CTNNA3: variants seen among roughly 807,000 people sequenced by gnomAD.
The protein encoded by CTNNA3 is catenin alpha-3.
In CTNNA3, 76 loss-of-function variants were observed where a neutral mutation model predicts 95.7. The ratio of observed to expected loss-of-function variants is 0.79; its 90% CI spans 0.66 to 0.96. The LOEUF is 0.96. Ranked by LOEUF, CTNNA3 falls within the 40% of genes least tolerant of loss-of-function variation. The pLI is 0.00. For missense variants in CTNNA3, 1,191 were observed against 1,089.8 expected (o/e 1.09, Z -1.31); for synonymous variants, 431 against 374.4 (o/e 1.15, Z -1.74).
intron 10 of CTNNA3, among the ~76,000 whole-genome samples, chr10:66,543,477 T>C (rs1017989408): frequency 6.6e-6 from 1 of 152,118 alleles, no homozygotes; most frequent in Non-Finnish European, 1.5e-5. Flanking sequence ...TTTAAGTTAT[T>C]TTAAGTGAAG....
chr10:66,543,263 T>C (rs1841922113), intron 10 of CTNNA3, among the ~76,000 whole-genome samples: 2 of 152,014 alleles, frequency 1.3e-5, no homozygotes. Flanking sequence ...CGGCTAATTT[T>C]TGTATTTTTA....
chr10:65,968,787 T>C (rs1240478068), intron 16 of CTNNA3, among the ~76,000 whole-genome samples: 2 of 152,258 alleles, frequency 1.3e-5, no homozygotes, highest in African/African-American at 4.8e-5. Context: ...CCCAAATCTG[T>C]GTGTAGAGAA....
At chr10:66,874,539 G>A (rs1844539216) in intron 7 of CTNNA3, among the ~76,000 whole-genome samples, 1 of 152,024 alleles carries the variant, frequency 6.6e-6, no homozygotes, top group South Asian at 2.1e-4. Flanking sequence ...GTTAAGTAAA[G>A]GTATTATATT....
intron 7 of CTNNA3, among the ~76,000 whole-genome samples, chr10:66,986,597 T>C (rs1850741977): frequency 6.6e-6 from 1 of 152,176 alleles, no homozygotes; most frequent in African/African-American, 2.4e-5. Flanking sequence ...CTGTAGTTTA[T>C]AGGAGAATGA....
chr10:67,047,825 A>C (rs1020289399), intron 7 of CTNNA3, among the ~76,000 whole-genome samples: 1 of 152,110 alleles, frequency 6.6e-6, no homozygotes, highest in Non-Finnish European at 1.5e-5. Flanking sequence ...CCTTCTAAAA[A>C]TAAAAGTTTC....
intron 15 of CTNNA3, among the ~76,000 whole-genome samples, chr10:66,046,858 C>A (rs2079839339): frequency 6.6e-6 from 1 of 152,042 alleles, no homozygotes; most frequent in South Asian, 2.1e-4. Context: ...CATCTCTAGG[C>A]ACACAAACTA....
intron 9 of CTNNA3, among the ~76,000 whole-genome samples, chr10:66,717,468 T>G (rs1434240494): frequency 6.6e-6 from 1 of 152,182 alleles, no homozygotes; most frequent in African/African-American, 2.4e-5. Context: ...AAGTTCCTTG[T>G]GTGCAGAGGC....
chr10:67,617,995 A>C (rs1270924833), intron 2 of CTNNA3, among the ~76,000 whole-genome samples: 1 of 152,090 alleles, frequency 6.6e-6, no homozygotes, highest in Non-Finnish European at 1.5e-5. Context: ...TATTTCAAAA[A>C]ATGAGAAGAA....
chr10:67,554,264 G>A (rs1841147375), intron 3 of CTNNA3, among the ~76,000 whole-genome samples: 1 of 152,170 alleles, frequency 6.6e-6, no homozygotes, highest in South Asian at 2.1e-4. Flanking sequence ...TAATACTTTG[G>A]ATATATACCC....
At chr10:66,798,398 G>C (rs1841296259) in intron 7 of CTNNA3, among the ~76,000 whole-genome samples, 2 of 151,818 alleles carry the variant, frequency 1.3e-5, no homozygotes, top group South Asian at 2.1e-4. Context: ...TAAAGTTTCT[G>C]TAAAGAAAGA....
At chr10:67,628,030 A>G (rs1213169603) in intron 2 of CTNNA3, among the ~76,000 whole-genome samples, 2 of 145,752 alleles carry the variant, frequency 1.4e-5, no homozygotes, top group African/African-American at 5.5e-5. Flanking sequence ...AAATGGGTAT[A>G]GAAAGTTGAG....
intron 15 of CTNNA3, among the ~76,000 whole-genome samples, chr10:66,027,746 G>T (rs2079370605): frequency 6.6e-6 from 1 of 152,142 alleles, no homozygotes; most frequent in Non-Finnish European, 1.5e-5. Context: ...TAGCAAAAAT[G>T]AGGCTAATAT....
chr10:66,040,279 G>A (rs1360947197), intron 15 of CTNNA3, among the ~76,000 whole-genome samples: 1 of 152,084 alleles, frequency 6.6e-6, no homozygotes, highest in Admixed American at 6.5e-5. Context: ...TATTGGGTGG[G>A]AGTGTAAATT....
At chr10:66,371,113 C>T (rs141959936) in intron 12 of CTNNA3, among the ~76,000 whole-genome samples, 1 of 152,134 alleles carries the variant, frequency 6.6e-6, no homozygotes, top group African/African-American at 2.4e-5. Flanking sequence ...GTCAAAGTAC[C>T]CATTCCGTTG....
chr10:66,651,827 C>T (rs541129889), intron 9 of CTNNA3, among the ~76,000 whole-genome samples: 1 of 152,216 alleles, frequency 6.6e-6, no homozygotes, highest in Admixed American at 6.5e-5. Flanking sequence ...GCCTCTCCCT[C>T]TACACCTCCC....
chr10:66,787,629 C>T (rs924096156), intron 7 of CTNNA3, among the ~76,000 whole-genome samples: 1 of 151,968 alleles, frequency 6.6e-6, no homozygotes, highest in African/African-American at 2.4e-5. Context: ...TCCTGTAGTT[C>T]GAAGGGGAGG....
chr10:67,503,625 C>T (rs1839301988), intron 5 of CTNNA3, among the ~76,000 whole-genome samples: 1 of 152,114 alleles, frequency 6.6e-6, no homozygotes, highest in Non-Finnish European at 1.5e-5. Context: ...AGAGCTTGAT[C>T]TTAGAGTGTG....
intron 12 of CTNNA3, among the ~76,000 whole-genome samples, chr10:66,305,000 T>G (rs1346959476): frequency 6.6e-6 from 1 of 152,124 alleles, no homozygotes; most frequent in East Asian, 1.9e-4. Flanking sequence ...TTCTGGCTCC[T>G]CTCCCTTCTG....
intron 9 of CTNNA3, among the ~76,000 whole-genome samples, chr10:66,741,479 A>C (rs1458245804): frequency 6.6e-6 from 1 of 152,242 alleles, no homozygotes; most frequent in East Asian, 1.9e-4. Flanking sequence ...TTCAATTTAC[A>C]AGTCATCTAA....
Sources: gnomAD v4.1 joint callset for allele counts (sites outside exome capture counted in the v4.1 genomes callset) on GRCh38, gnomAD v4.1.1 for gene constraint, MANE v1.5 for transcripts, NCBI Gene and HGNC (gene_info 2026-07-23, HGNC 2026-07-21) for gene names.